The following SLC8A1 variants were observed in gnomAD, a reference collection of about 807,000 sequenced individuals.
SLC8A1 encodes solute carrier family 8 member A1.
Under a neutral mutation model 68.3 loss-of-function variants are expected in SLC8A1, and 18 were observed. The observed-to-expected ratio is 0.26, with a 90% CI of 0.18 to 0.39. The LOEUF is 0.39. Ranked by LOEUF, SLC8A1 falls within the 10% of genes least tolerant of loss-of-function variation. SLC8A1 has a pLI of 1.00. For synonymous variants in SLC8A1, 475 were observed against 415.5 expected (o/e 1.14, Z -1.74); for missense variants, 985 against 1,156.7 (o/e 0.85, Z 2.15).
In SLC8A1 at chr2:40,408,043, C is replaced by A. The variant is rs567734528; in HGVS notation, c.1808+20430G>T. 2.9e-3 allele frequency among the ~76,000 whole-genome samples: 435 copies of A among 152,190 alleles called. 1 individual carries two copies. The highest frequency in any genetic ancestry group is 5.2e-3 in the Non-Finnish European group (357 of 68,002). On this transcript the variant is annotated intron_variant, in intron 2 of 7. Coordinates refer to ENST00000406785, the Ensembl canonical transcript of SLC8A1. ...AGTGATAAAGTCACAAATATGTTAC[C>A]CCCATAACAAGTTAATAATCTTCCA...
intron 2 of SLC8A1, among the ~76,000 whole-genome samples, chr2:40,376,469 C>T (rs1679897278): frequency 6.6e-6 from 1 of 152,088 alleles, no homozygotes; most frequent in African/African-American, 2.4e-5. Context: ...ACAAAATAGA[C>T]ATTGTAAATC....
chr2:40,170,816 C>T (rs2047346720), intron 4 of SLC8A1, among the ~76,000 whole-genome samples: 1 of 152,172 alleles, frequency 6.6e-6, no homozygotes, highest in African/African-American at 2.4e-5. Flanking sequence ...GATTGGGAAG[C>T]CTATTAGTGC....
chr2:40,263,825 T>C (rs1256432326), intron 2 of SLC8A1, among the ~76,000 whole-genome samples: 3 of 152,018 alleles, frequency 2.0e-5, no homozygotes, highest in South Asian at 2.1e-4. Context: ...AAAGCAATGA[T>C]AACAAAAGCC....
chr2:40,319,486 T>A (rs2074919691), intron 2 of SLC8A1, among the ~76,000 whole-genome samples: 1 of 152,098 alleles, frequency 6.6e-6, no homozygotes. Context: ...CCAGCTTTGG[T>A]AGCACTGAAT....
chr2:40,481,598 C>A (rs932924512), intron 1 of SLC8A1, among the ~76,000 whole-genome samples: 9 of 152,146 alleles, frequency 5.9e-5, no homozygotes, highest in African/African-American at 2.2e-4. Context: ...CTAATACAGT[C>A]TTATACTGAA....
At chr2:40,473,669 T>C (rs1704120506) in intron 1 of SLC8A1, among the ~76,000 whole-genome samples, 1 of 152,222 alleles carries the variant, frequency 6.6e-6, no homozygotes, top group Admixed American at 6.5e-5. Context: ...GCAGTCTTGC[T>C]GTCGAAGACA....
At position 40,235,064 on chromosome 2, in the gene SLC8A1, T is replaced by C. The variant is rs536852246; in HGVS notation, c.1809-57209A>G. On this transcript the variant is annotated intron_variant, in intron 2 of 7. Coordinates refer to ENST00000406785, the Ensembl canonical transcript of SLC8A1. ...AGGATATTGGTCTAAAATTCTCTTTTTTGGTTGTGTCTCTGCTTGGCTTTG... is the reference window on the plus strand; with the variant it reads ...AGGATATTGGTCTAAAATTCTCTTTCTTGGTTGTGTCTCTGCTTGGCTTTG... Among the ~76,000 whole-genome samples the C allele has an allele frequency of 9.9e-5, 15 of 152,242 alleles. No homozygotes were observed. In the East Asian group the frequency reaches 2.7e-3, roughly 27 times the overall value.
At chr2:40,494,710 G>T in intron 1 of SLC8A1, among the ~76,000 whole-genome samples, 1 of 121,454 alleles carries the variant, frequency 8.2e-6, no homozygotes, top group African/African-American at 3.3e-5. Context: ...ATATTGTTTT[G>T]TTCCATTTTT....
chr2:40,126,477 C>T (rs1440150558), intron 7 of SLC8A1, among the ~76,000 whole-genome samples: 2 of 152,066 alleles, frequency 1.3e-5, no homozygotes. Flanking sequence ...ATACCATCTG[C>T]TGAGAACAGA....
intron 1 of SLC8A1, among the ~76,000 whole-genome samples, chr2:40,501,359 T>A (rs1444151633): frequency 6.6e-6 from 1 of 152,122 alleles, no homozygotes; most frequent in Non-Finnish European, 1.5e-5. Context: ...TTTCTGCTAT[T>A]TTCAGTTCTT....
rs138645037 is a variant in SLC8A1 at position 40,439,587 on chromosome 2, A to C, written c.-24-9283T>G. ...ATCCAGCAAGATTTTTTTCTTTTTT[A>C]TTTTTTAATCTTTTTTAACAAGGTA... On this transcript the variant is annotated intron_variant, in intron 1 of 7. Coordinates refer to ENST00000406785, the Ensembl canonical transcript of SLC8A1. Among the ~76,000 whole-genome samples, 998 of 152,022 alleles carry C rather than the reference A, an allele frequency of 6.6e-3. 14 individuals carry two copies. Among genetic ancestry groups the C allele is most frequent in the African/African-American group, 0.023 (943 of 41,492 alleles).
intron 2 of SLC8A1, among the ~76,000 whole-genome samples, chr2:40,366,426 A>T (rs1676211613): frequency 1.3e-5 from 2 of 152,076 alleles, no homozygotes; most frequent in South Asian, 4.1e-4. Context: ...CACAATAATG[A>T]CAGCTGCCTG....
At position 40,364,923 on chromosome 2, in the gene SLC8A1, A is replaced by C. The variant is rs147456387; in HGVS notation, c.1808+63550T>G. Among the ~76,000 whole-genome samples the C allele has an allele frequency of 1.3e-3, 202 of 152,136 alleles. 1 individual carries two copies. The highest frequency in any genetic ancestry group is 2.4e-3 in the Non-Finnish European group (162 of 67,958). ...CAGCTTTGGAGTGTGTGCAGGTAAC[A>C]GATGGAAGACAAAAAGAGGGATTTT... On this transcript the variant is annotated intron_variant, in intron 2 of 7. Transcript: ENST00000406785.
At chr2:40,235,590 T>C (rs1275640589) in intron 2 of SLC8A1, among the ~76,000 whole-genome samples, 4 of 152,060 alleles carry the variant, frequency 2.6e-5, no homozygotes. Flanking sequence ...TTTTGGTGTC[T>C]CTATTTCCTT....
intron 2 of SLC8A1, among the ~76,000 whole-genome samples, chr2:40,214,099 G>A (rs889697665): frequency 6.6e-6 from 1 of 152,156 alleles, no homozygotes; most frequent in Admixed American, 6.5e-5. Context: ...TGGCATCTGC[G>A]TCTGCCTCCA....
intron 1 of SLC8A1, among the ~76,000 whole-genome samples, chr2:40,463,904 A>AGG (rs1313629369): frequency 9.9e-5 from 15 of 151,124 alleles, no homozygotes; most frequent in African/African-American, 3.7e-4. Flanking sequence ...ATATAGAGAG[A>AGG]GAGACAGATT....
intron 2 of SLC8A1, among the ~76,000 whole-genome samples, chr2:40,253,831 C>CTA (rs2063408537): frequency 1.7e-5 from 1 of 59,842 alleles, no homozygotes; most frequent in Non-Finnish European, 3.1e-5. Flanking sequence ...TGTCTGTCTC[C>CTA]AAAAAAAAAA....
intron 2 of SLC8A1, among the ~76,000 whole-genome samples, chr2:40,396,748 TAAAAAAA>T (rs368483768): frequency 6.9e-5 from 6 of 87,086 alleles, no homozygotes; most frequent in South Asian, 3.8e-4. Flanking sequence ...CTCTAATAAC[TAAAAAAA>T]AAAAAAAAAA....
intron 2 of SLC8A1, among the ~76,000 whole-genome samples, chr2:40,279,621 A>G (rs913064572): frequency 1.3e-5 from 2 of 152,178 alleles, no homozygotes; most frequent in African/African-American, 4.8e-5. Context: ...ATTTGATTCC[A>G]TGTTTGATAG....
Sources: gnomAD v4.1 joint callset for allele counts (sites outside exome capture counted in the v4.1 genomes callset) on GRCh38, gnomAD v4.1.1 for gene constraint, MANE v1.5 for transcripts, NCBI Gene and HGNC (gene_info 2026-07-23, HGNC 2026-07-21) for gene names.